ITGA8: variants seen among roughly 807,000 people sequenced by gnomAD.
The protein encoded by ITGA8 is integrin alpha-8.
A neutral mutation model predicts 142.3 loss-of-function variants in ITGA8; 91 were observed. The observed-to-expected ratio is 0.64, with a 90% confidence interval of 0.54 to 0.76. ITGA8 has a LOEUF of 0.76. Ranked by LOEUF, ITGA8 falls within the 30% of genes least tolerant of loss-of-function variation. ITGA8 has a pLI of 0.00. For missense variants in ITGA8, 1,406 were observed against 1,327.7 expected (o/e 1.06, Z -0.92); for synonymous variants, 505 against 485.2 (o/e 1.04, Z -0.54).
chr10:15,704,260 A>G (rs1217377527), intron 2 of ITGA8, among the ~76,000 whole-genome samples: 1 of 152,124 alleles, frequency 6.6e-6, no homozygotes, highest in Non-Finnish European at 1.5e-5. Flanking sequence ...GCCTTCCTCC[A>G]GCATTGCCAC....
chr10:15,578,664 G>A (rs1488769308), intron 23 of ITGA8, among the ~76,000 whole-genome samples: 2 of 152,102 alleles, frequency 1.3e-5, no homozygotes, highest in Non-Finnish European at 1.5e-5. Flanking sequence ...ACCATGTATT[G>A]TATGGAACAG....
At chr10:15,693,313 T>C (rs1478638527) in intron 2 of ITGA8, among the ~76,000 whole-genome samples, 1 of 152,200 alleles carries the variant, frequency 6.6e-6, no homozygotes, top group Non-Finnish European at 1.5e-5. Context: ...AACTTTTTAT[T>C]CCTGTTAAGT....
chr10:15,523,045 C>G (rs368169244), intron 28 of ITGA8, among the ~76,000 whole-genome samples: 1 of 152,116 alleles, frequency 6.6e-6, no homozygotes, highest in East Asian at 1.9e-4. Flanking sequence ...ATCTTAAGTT[C>G]CTGCCTACTA....
intron 13 of ITGA8, among the ~76,000 whole-genome samples, chr10:15,626,895 C>A (rs1055104603): frequency 6.6e-6 from 1 of 152,164 alleles, no homozygotes; most frequent in African/African-American, 2.4e-5. Context: ...AAATGTATCC[C>A]TGTTTGAGCC....
intron 2 of ITGA8, among the ~76,000 whole-genome samples, chr10:15,698,664 G>T (rs914268455): frequency 6.6e-6 from 1 of 152,070 alleles, no homozygotes; most frequent in African/African-American, 2.4e-5. Context: ...GATCATTAGC[G>T]ATGTTGAACA....
chr10:15,554,963 G>A (rs552055664), intron 26 of ITGA8, among the ~76,000 whole-genome samples: 13 of 152,196 alleles, frequency 8.5e-5, no homozygotes, highest in South Asian at 6.2e-4. Context: ...TAAATCAAGC[G>A]TATGGATTTC....
intron 13 of ITGA8, among the ~76,000 whole-genome samples, chr10:15,631,033 G>C (rs1833676306): frequency 6.6e-6 from 1 of 151,826 alleles, no homozygotes; most frequent in Admixed American, 6.6e-5. Flanking sequence ...TTTTTTCCTT[G>C]TAAATTTATT....
intron 2 of ITGA8, among the ~76,000 whole-genome samples, chr10:15,705,804 A>C (rs1835246893): frequency 6.6e-6 from 1 of 152,112 alleles, no homozygotes; most frequent in African/African-American, 2.4e-5. Context: ...ACCTCACAAG[A>C]CTTTCTTTAT....
intron 15 of ITGA8, among the ~76,000 whole-genome samples, chr10:15,609,615 A>T (rs1257866030): frequency 6.6e-6 from 1 of 152,214 alleles, no homozygotes; most frequent in Non-Finnish European, 1.5e-5. Flanking sequence ...CTTCTGCTTC[A>T]ATTAGAATTA....
At chr10:15,697,561 G>C (rs74797363) in intron 2 of ITGA8, among the ~76,000 whole-genome samples, 1 of 152,194 alleles carries the variant, frequency 6.6e-6, no homozygotes, top group Non-Finnish European at 1.5e-5. Context: ...AAATGTCTTA[G>C]GCTTTGCAAA....
chr10:15,562,887 T>C (rs1182344099), intron 25 of ITGA8, among the ~76,000 whole-genome samples: 1 of 152,120 alleles, frequency 6.6e-6, no homozygotes, highest in Non-Finnish European at 1.5e-5. Flanking sequence ...CCAAATCTCA[T>C]GTCGAGTTTT....
At chr10:15,531,628 C>T (rs1386911633) in intron 27 of ITGA8, among the ~76,000 whole-genome samples, 1 of 152,088 alleles carries the variant, frequency 6.6e-6, no homozygotes, top group Non-Finnish European at 1.5e-5. Context: ...AGGAGAGAAA[C>T]TGGCAGTAAG....
At chr10:15,612,964 C>A (rs1237545434) in intron 15 of ITGA8, among the ~76,000 whole-genome samples, 1 of 152,150 alleles carries the variant, frequency 6.6e-6, no homozygotes, top group African/African-American at 2.4e-5. Flanking sequence ...AGTTCGAGAC[C>A]AGCCTGACTA....
At chr10:15,578,646 C>A (rs568268792) in intron 23 of ITGA8, among the ~76,000 whole-genome samples, 1 of 152,220 alleles carries the variant, frequency 6.6e-6, no homozygotes, top group African/African-American at 2.4e-5. Flanking sequence ...TCCCAAATAG[C>A]AAAGACTACC....
intron 2 of ITGA8, among the ~76,000 whole-genome samples, chr10:15,710,655 G>A (rs1365539491): frequency 6.6e-6 from 1 of 152,308 alleles, no homozygotes; most frequent in African/African-American, 2.4e-5. Flanking sequence ...GTGCTGTGTG[G>A]CACTGTGACA....
chr10:15,597,409 C>T (rs1037208435), intron 20 of ITGA8, 110 bp from the exon 21 acceptor site: 32 of 771,464 alleles, frequency 4.1e-5, no homozygotes, highest in African/African-American at 2.9e-4. Context: ...CCCAGGAGGG[C>T]GATAGTGCAA....
rs9333191 is a variant in ITGA8 at position 15,575,158 on chromosome 10, G to T, written c.2478+331C>A. On this transcript the variant is annotated intron_variant, in intron 24 of 29. Coordinates refer to ENST00000378076, the MANE Select transcript of ITGA8 (RefSeq NM_003638.3). ...AGTTATAGCACTGTGAGTGGCTCAG[G>T]TGGGTGGATCACTTGAGCTCAGGAG... 3.6e-3 allele frequency among the ~76,000 whole-genome samples: 554 copies of T among 152,184 alleles called. 11 individuals are homozygous for T. The highest frequency in any genetic ancestry group is 0.013 in the African/African-American group (534 of 41,522).
At position 15,644,084 on chromosome 10, in the gene ITGA8, C is replaced by T. The variant is rs145062914; in HGVS notation, c.1345G>A (p.Gly449Arg). 4.8e-5 allele frequency: 77 copies of T among 1,613,932 alleles called. No individual in the cohort carries two copies. The African/African-American group carries it at 5.9e-4, about 12-fold the overall frequency. ...TCTCCTCTTAAAGTAAAGCCAAATC[C>T]GGAAGGGACAGCATGTGAGGCCCAC... The part of the protein sequence containing the change: ...GVWASHAVPS[G>R]FGFTLRGDSD... Residue 449 changes from glycine (G) to arginine (R), a missense_variant, in exon 13 of 30, where the codon GGA (glycine) becomes AGA (arginine). By Grantham distance (125) the Gly-to-Arg change is moderately radical. Coordinates refer to ENST00000378076, the MANE Select transcript of ITGA8 (RefSeq NM_003638.3).
chr10:15,640,342 C>T (rs987685552), intron 13 of ITGA8, among the ~76,000 whole-genome samples: 11 of 152,140 alleles, frequency 7.2e-5, no homozygotes, highest in South Asian at 2.1e-4. Context: ...GGTGTGTGTG[C>T]CACCCAGGGT....
Sources: gnomAD v4.1 joint callset for allele counts (sites outside exome capture counted in the v4.1 genomes callset) on GRCh38, gnomAD v4.1.1 for gene constraint, MANE v1.5 for transcripts, NCBI Gene and HGNC (gene_info 2026-07-23, HGNC 2026-07-21) for gene names.